Variants in LHFPL3 observed in about 807,000 individuals in gnomAD.
LHFPL3 encodes the protein LHFPL tetraspan subfamily member 3 protein.
Under a neutral mutation model 19.3 loss-of-function variants are expected in LHFPL3, and 5 were observed. The observed-to-expected ratio is 0.26, with a 90% CI of 0.14 to 0.54. The LOEUF (loss-of-function observed/expected upper bound fraction) is 0.54. LHFPL3 is among the 20% of genes least tolerant of loss of function. The pLI, the probability that LHFPL3 is intolerant of heterozygous loss-of-function variation, is 0.94. For missense variants in LHFPL3, 249 were observed against 307.4 expected (o/e 0.81, Z 1.42); for synonymous variants, 133 against 126.2 (o/e 1.05, Z -0.36).
chr7:104,669,439 G>C, intron 1 of LHFPL3: 1 of 1,613,268 alleles, frequency 6.2e-7, no homozygotes, highest in Admixed American at 1.7e-5. Context: ...TGGCAAAAAG[G>C]ATCAAGACTC....
chr7:104,511,064 AAG>A (rs1793804657), intron 1 of LHFPL3, among the ~76,000 whole-genome samples: 1 of 152,016 alleles, frequency 6.6e-6, no homozygotes, highest in African/African-American at 2.4e-5. Context: ...AAAGTTAAAA[AAG>A]AAAGAAAGAA....
intron 1 of LHFPL3, among the ~76,000 whole-genome samples, chr7:104,662,876 G>T (rs1792258590): frequency 6.6e-6 from 1 of 152,130 alleles, no homozygotes; most frequent in Non-Finnish European, 1.5e-5. Context: ...CAAAATATAT[G>T]ATTTTCCAGA....
rs11322416 is a variant in LHFPL3, at chr7:104,485,286, T to TA, written c.445+156070dup. On this transcript the variant is annotated intron_variant, in intron 1 of 2. Transcript: ENST00000424859. ...AATCCCTATTTTATGGAGTGTTCTTTAAAAAAAATCAGAGATTCTCATATG... is the reference window on the plus strand; with the variant it reads ...AATCCCTATTTTATGGAGTGTTCTTTAAAAAAAAATCAGAGATTCTCATATG... Among the ~76,000 whole-genome samples, 20 of 151,770 alleles carry TA rather than the reference T, an allele frequency of 1.3e-4. No homozygotes were observed. In the East Asian group the frequency reaches 3.9e-3, roughly 29 times the overall value.
chr7:104,756,525 A>T (rs1034882332), intron 2 of LHFPL3, among the ~76,000 whole-genome samples: 3 of 152,138 alleles, frequency 2.0e-5, no homozygotes, highest in Non-Finnish European at 2.9e-5. Flanking sequence ...ATTTTTAGAC[A>T]GTCTCACTCT....
intron 1 of LHFPL3, among the ~76,000 whole-genome samples, chr7:104,342,708 C>A (rs1161009608): frequency 2.0e-5 from 3 of 152,172 alleles, no homozygotes; most frequent in Non-Finnish European, 4.4e-5. Context: ...GTCTTATACT[C>A]AGAGAGCATT....
chr7:104,606,250 G>A (rs1267313286), intron 1 of LHFPL3, among the ~76,000 whole-genome samples: 1 of 152,154 alleles, frequency 6.6e-6, no homozygotes, highest in Non-Finnish European at 1.5e-5. Flanking sequence ...TTATTGATTG[G>A]ATCACTTCAG....
intron 2 of LHFPL3, among the ~76,000 whole-genome samples, chr7:104,791,934 T>C (rs1372758403): frequency 1.3e-5 from 2 of 152,166 alleles, no homozygotes; most frequent in East Asian, 1.9e-4. Flanking sequence ...TGGGATAGCA[T>C]GCTCTCAGGG....
At chr7:104,732,675 G>C (rs1793727964) in intron 1 of LHFPL3, among the ~76,000 whole-genome samples, 1 of 152,046 alleles carries the variant, frequency 6.6e-6, no homozygotes, top group African/African-American at 2.4e-5. Context: ...CAAAAAACCA[G>C]CTCCTGGATT....
chr7:104,409,965 G>A (rs1476250148), intron 1 of LHFPL3, among the ~76,000 whole-genome samples: 1 of 151,994 alleles, frequency 6.6e-6, no homozygotes, highest in African/African-American at 2.4e-5. Flanking sequence ...TGTATCAATC[G>A]TGGTATCCAT....
At chr7:104,734,063 G>C (rs1361693224) in intron 1 of LHFPL3, among the ~76,000 whole-genome samples, 1 of 152,196 alleles carries the variant, frequency 6.6e-6, no homozygotes, top group East Asian at 1.9e-4. Context: ...ACTCTCTTCT[G>C]GCTTGTAGAG....
chr7:104,771,812 C>G (rs1407923077), intron 2 of LHFPL3, among the ~76,000 whole-genome samples: 1 of 132,672 alleles, frequency 7.5e-6, no homozygotes, highest in Non-Finnish European at 1.6e-5. Context: ...TTTCTTTTGC[C>G]TCTCTTTTTT....
At chr7:104,410,292 C>G (rs1015277962) in intron 1 of LHFPL3, among the ~76,000 whole-genome samples, 2 of 152,164 alleles carry the variant, frequency 1.3e-5, no homozygotes, top group Non-Finnish European at 2.9e-5. Flanking sequence ...GCCACCACAT[C>G]CAGCTAATTT....
intron 1 of LHFPL3, among the ~76,000 whole-genome samples, chr7:104,583,445 C>A (rs1417898561): frequency 1.3e-5 from 2 of 151,998 alleles, no homozygotes; most frequent in Non-Finnish European, 2.9e-5. Context: ...GCAACAAAAG[C>A]CAAAATTGAC....
chr7:104,465,300 C>G (rs546695260), intron 1 of LHFPL3, among the ~76,000 whole-genome samples: 5 of 152,308 alleles, frequency 3.3e-5, no homozygotes, highest in Admixed American at 2.6e-4. Flanking sequence ...CTAGGAAGTT[C>G]CAAACTTTTC....
At chr7:104,617,660 G>T (rs1443718557) in intron 1 of LHFPL3, among the ~76,000 whole-genome samples, 2 of 152,180 alleles carry the variant, frequency 1.3e-5, no homozygotes, top group Non-Finnish European at 2.9e-5. Flanking sequence ...CAAATAATTA[G>T]ATGCATACTT....
chr7:104,608,445 A>G (rs1329561440), intron 1 of LHFPL3, among the ~76,000 whole-genome samples: 1 of 141,514 alleles, frequency 7.1e-6, no homozygotes, highest in East Asian at 2.2e-4. Flanking sequence ...GAATTGAACA[A>G]CGAGAACACA....
intron 1 of LHFPL3, among the ~76,000 whole-genome samples, chr7:104,339,508 C>T (rs1789905429): frequency 6.6e-6 from 1 of 152,164 alleles, no homozygotes; most frequent in African/African-American, 2.4e-5. Context: ...GATTCAGAGT[C>T]TTGCCAAAAG....
In LHFPL3 at chr7:104,541,103, GACACACACACACACAC is replaced by G. The variant is rs58831498; in HGVS notation, c.446-195542_446-195527del. On this transcript the variant is annotated intron_variant, in intron 1 of 2. Transcript: ENST00000424859. The stretch of plus-strand genomic sequence containing the variant: ...TTTTCCATATACACATCCTCCCCAT[GACACACACACACACAC>G]ACACACACACACACACACACACACA... Among the ~76,000 whole-genome samples the G allele has an allele frequency of 3.0e-3, 409 of 134,626 alleles. 5 individuals carry two copies. The East Asian group carries it at 0.055, about 18-fold the overall frequency. 88.3% of individuals were successfully genotyped at this position (134,626 alleles called of 152,430 possible).
At chr7:104,512,396 G>A (rs1028835860) in intron 1 of LHFPL3, among the ~76,000 whole-genome samples, 5 of 152,172 alleles carry the variant, frequency 3.3e-5, no homozygotes, top group East Asian at 1.9e-4. Flanking sequence ...AAACTCATGC[G>A]CTGCCTTCAG....
Sources: allele counts gnomAD v4.1 joint callset (sites outside exome capture counted in the v4.1 genomes callset), GRCh38; gene constraint gnomAD v4.1.1; transcripts MANE v1.5; gene names NCBI Gene and HGNC (gene_info 2026-07-23, HGNC 2026-07-21).